The following SYNM variants were observed in gnomAD, a reference collection of about 807,000 sequenced individuals.
SYNM encodes the protein synemin, also known as desmuslin.
SYNM carries 95 observed loss-of-function variants against 104.0 expected under a neutral mutation model. The ratio of observed to expected loss-of-function variants is 0.91; its 90% confidence interval spans 0.77 to 1.08. The LOEUF is 1.08. Ranked by LOEUF, SYNM falls within the 50% of genes least tolerant of loss-of-function variation. The probability of loss-of-function intolerance (pLI) is 0.00; values close to 1 mark genes in which losing one functional copy is unlikely to be tolerated. For synonymous variants in SYNM, 918 were observed against 869.0 expected (o/e 1.06, Z -0.99); for missense variants, 2,150 against 2,052.2 (o/e 1.05, Z -0.92).
At chr15:99,128,261 T>C (rs2067465504) in intron 3 of SYNM, among the ~76,000 whole-genome samples, 1 of 152,246 alleles carries the variant, frequency 6.6e-6, no homozygotes, top group African/African-American at 2.4e-5. Context: ...TCTTTTATAA[T>C]ATTGCATAAA....
intron 1 of SYNM, among the ~76,000 whole-genome samples, chr15:99,108,689 A>G (rs1346107842): frequency 6.6e-6 from 1 of 152,186 alleles, no homozygotes; most frequent in Non-Finnish European, 1.5e-5. Context: ...GCTCCATTTT[A>G]CAGAGGAGGA....
chr15:99,131,366 AGTCAAC>A lies in SYNM; in HGVS notation c.3010_3015del (p.Asn1004_Val1005del). On this transcript the variant is annotated inframe_deletion, in exon 4 of 4. Coordinates refer to ENST00000336292, the MANE Select transcript of SYNM (RefSeq NM_145728.3). This position sits in a 1 kb window ranked among gnomAD's most constrained non-coding sequence, Gnocchi z 4.3. ...GCAGTTCCGTGACCCTGGTTGCTGA[AGTCAAC>A]GTCTCACAAACTGTGGATGCCGATC... is the stretch of plus-strand genomic sequence containing the variant. The A allele has an allele frequency of 6.2e-7, 1 of 1,613,416 alleles. No homozygotes were observed. The highest frequency in any genetic ancestry group is 8.5e-7 in the Non-Finnish European group (1 of 1,179,702).
chr15:99,105,141 G>A lies in SYNM; in HGVS notation c.-59G>A, dbSNP rs1596111652. 6.5e-7 allele frequency: 1 copy of A among 1,533,358 alleles called. No homozygotes were observed. Among genetic ancestry groups the A allele is most frequent in the Non-Finnish European group, 8.7e-7 (1 of 1,144,420 alleles). The allele number at this position is 1,533,358 out of a possible 1,614,324, so 95.0% of individuals were successfully genotyped here. A position where few individuals can be genotyped will look rare whatever the true frequency, so the allele number is the denominator to read the frequency against. ...CGTCGCGGCGGAGAGGACGAGACCG[G>A]GACAAGACCAGGGCAGGAGGGAGCC... On this transcript the variant is annotated 5_prime_UTR_variant, in exon 1 of 4. Transcript: ENST00000336292.
At chr15:99,106,230 C>G (rs1057307156) in intron 1 of SYNM, among the ~76,000 whole-genome samples, 2 of 152,212 alleles carry the variant, frequency 1.3e-5, no homozygotes, top group East Asian at 1.9e-4. Context: ...AGCGGATAGC[C>G]CCGTCCTCGT....
rs782704537 is a variant in SYNM at position 99,130,522 on chromosome 15, CA to C, written c.2163del (p.Ala722ProfsTer4). The C allele has an allele frequency of 3.1e-6, 5 of 1,613,700 alleles. No individual in the cohort carries two copies. Among genetic ancestry groups the C allele is most frequent in the Non-Finnish European group, 4.2e-6 (5 of 1,179,874 alleles). On this transcript the variant is annotated frameshift_variant, in exon 4 of 4. Transcript: ENST00000336292. LOFTEE classifies it high-confidence loss of function. ...AAGGAAGTGGGGCTGAAAGGCAAGT[CA>C]GCCGAGCAGATGATAGGAGACATCA... ...DIKEVGLKGK[S>X]AEQMIGDIIN...
intron 2 of SYNM, among the ~76,000 whole-genome samples, chr15:99,117,586 AGTTCTCTGAGTT>A (rs1212053877): frequency 2.0e-5 from 3 of 152,206 alleles, no homozygotes; most frequent in South Asian, 4.1e-4. Context: ...TTTCTGTAAT[AGTTCTCTGAGTT>A]AGAATCAGGA....
downstream of SYNM, chr15:99,139,277 AGG>A (rs1360647638): frequency 2.5e-6 from 4 of 1,586,632 alleles, no homozygotes; most frequent in African/African-American, 6.2e-5. Flanking sequence ...CTGAATGGAA[AGG>A]GAATGAGATA....
chr15:99,126,060 C>A (rs2067444281), intron 2 of SYNM, among the ~76,000 whole-genome samples: 1 of 152,130 alleles, frequency 6.6e-6, no homozygotes, highest in African/African-American at 2.4e-5. Context: ...AACAGGATGC[C>A]AATTTGGATG....
In SYNM at chr15:99,129,447, G is replaced by A. The variant is rs2067476635; in HGVS notation, c.1087G>A (p.Ala363Thr). 6.2e-7 allele frequency: 1 copy of A among 1,613,852 alleles called. No individual in the cohort carries two copies. Among genetic ancestry groups the A allele is most frequent in the African/African-American group, 1.3e-5 (1 of 74,906 alleles). Residue 363 changes from alanine (A) to threonine (T), a missense_variant, in exon 4 of 4, where the codon GCA becomes ACA. Ala to Thr is a moderately conservative substitution (Grantham distance 58, BLOSUM62 0). Coordinates refer to ENST00000336292, the MANE Select transcript of SYNM (RefSeq NM_145728.3). ...NERNLFSRQK[A>T]PLASFNHSSA... ...AAGGAATCTATTTTCAAGGCAGAAA[G>A]CACCTTTGGCAAGTTTCAATCACAG... is the stretch of plus-strand genomic sequence containing the variant.
In SYNM at chr15:99,126,774, G is replaced by A. The variant is rs5030691; in HGVS notation, c.988G>A (p.Val330Ile). ...NPEIVIWAEH[V>I]ENMPSEFRNK... ...AGAGATAGTGATCTGGGCTGAGCAC[G>A]TTGAAAACATGCCGTCAGGTAAGTA... The change falls in exon 3 of 4, where the codon GTT becomes ATT. Residue 330 changes from valine (V) to isoleucine (I), a missense_variant. Transcript: ENST00000336292. The A allele has an allele frequency of 0.078, 123,574 of 1,574,926 alleles. 5,177 individuals carry two copies. Among genetic ancestry groups the A allele is most frequent in the South Asian group, 0.099 (8,441 of 85,274 alleles).
chr15:99,124,943 A>T (rs2067433580), intron 2 of SYNM, among the ~76,000 whole-genome samples: 1 of 152,224 alleles, frequency 6.6e-6, no homozygotes, highest in Admixed American at 6.5e-5. Flanking sequence ...ACCCAGCCAG[A>T]AGCCCCACGC....
Position 99,113,600 on chromosome 15 carries a change from G to T in SYNM, c.820G>T (p.Asp274Tyr), listed in dbSNP as rs1555483618. ...TGTCTATTCTCTTTAGAGAGTGATT[G>T]ACTGCCTGGAGGATGAGAAGGCAAC... is the stretch of plus-strand genomic sequence containing the variant. ...IQAEERQRVI[D>Y]CLEDEKATLT... The change falls in exon 2 of 4, where the codon GAC (aspartate) becomes TAC (tyrosine). Residue 274 changes from aspartate (D) to tyrosine (Y), a missense_variant. Transcript: ENST00000336292. 3.7e-6 allele frequency: 6 copies of T among 1,613,360 alleles called. No homozygotes were observed. In the East Asian group the frequency reaches 1.3e-4, roughly 36 times the overall value.
chr15:99,113,158 G>A (rs1179688498), intron 1 of SYNM, among the ~76,000 whole-genome samples: 6 of 152,158 alleles, frequency 3.9e-5, no homozygotes, highest in Non-Finnish European at 7.3e-5. Context: ...ATGACTTTGG[G>A]GAGTACATTT....
In SYNM at chr15:99,134,685, C is replaced by A. The variant is rs182655895; in HGVS notation, c.*1627C>A. On this transcript the variant is annotated 3_prime_UTR_variant, in exon 4 of 4. Coordinates refer to ENST00000336292, the MANE Select transcript of SYNM (RefSeq NM_145728.3). ...CCCCAGGGTGCACGTCTCCCCAGGT[C>A]CTGGGAGTGGCTACCGCAGGTAGTT... The A allele has an allele frequency of 6.6e-6, 1 of 152,196 alleles. No homozygotes were observed. The highest frequency in any genetic ancestry group is 1.5e-5 in the Non-Finnish European group (1 of 68,044). 9.4% of individuals were successfully genotyped at this position (152,196 alleles called of 1,614,324 possible).
Position 99,129,448 on chromosome 15 carries a change from C to T in SYNM, c.1088C>T (p.Ala363Val), listed in dbSNP as rs1254705544. 1.2e-6 allele frequency: 2 copies of T among 1,613,984 alleles called. No individual in the cohort carries two copies. Among genetic ancestry groups the T allele is most frequent in the African/African-American group, 2.7e-5 (2 of 75,038 alleles). The stretch of plus-strand genomic sequence containing the variant: ...AGGAATCTATTTTCAAGGCAGAAAG[C>T]ACCTTTGGCAAGTTTCAATCACAGC... ...NERNLFSRQKAPLASFNHSSA... is the reference protein window; with the variant it reads ...NERNLFSRQKVPLASFNHSSA... The change falls in exon 4 of 4, where the codon GCA becomes GTA. Residue 363 changes from alanine (A) to valine (V), a missense_variant. Coordinates refer to ENST00000336292, the MANE Select transcript of SYNM (RefSeq NM_145728.3).
Position 99,131,696 on chromosome 15 carries a change from C to T in SYNM, c.3336C>T (p.Ala1112=), listed in dbSNP as rs782682102. 9.9e-6 allele frequency: 16 copies of T among 1,613,242 alleles called. No homozygotes were observed. Among genetic ancestry groups the T allele is most frequent in the Middle Eastern group, 1.6e-4 (1 of 6,084 alleles). ...TVEVSSPTGF[A]QSQVLEDVSQ... is the part of the protein sequence containing the mutation. ...AGGTCAGCAGCCCCACAGGCTTTGC[C>T]CAGTCACAGGTGCTGGAGGATGTGA... Residue 1112 remains alanine (A), a synonymous_variant, in exon 4 of 4, where the codon GCC becomes GCT. Coordinates refer to ENST00000336292, the MANE Select transcript of SYNM (RefSeq NM_145728.3). This position sits in a 1 kb window ranked among gnomAD's most constrained non-coding sequence, Gnocchi z 4.3.
chr15:99,111,508 C>T (rs1555483401), intron 1 of SYNM, among the ~76,000 whole-genome samples: 2 of 152,214 alleles, frequency 1.3e-5, no homozygotes, highest in South Asian at 4.1e-4. Flanking sequence ...TACATCAAGA[C>T]TGGCAGTTGC....
In SYNM at chr15:99,131,592, G is replaced by A; in HGVS notation, c.3232G>A (p.Gly1078Ser). 1 of 1,609,984 alleles carries A rather than the reference G, an allele frequency of 6.2e-7. No individual in the cohort carries two copies. Among genetic ancestry groups the A allele is most frequent in the South Asian group, 1.1e-5 (1 of 90,978 alleles). Residue 1078 changes from glycine to serine, a missense_variant, in exon 4 of 4, where the codon GGC (glycine) becomes AGC (serine). Physicochemically the swap from Gly to Ser is moderately conservative, Grantham distance 56. Coordinates refer to ENST00000336292, the MANE Select transcript of SYNM (RefSeq NM_145728.3). This position sits in a 1 kb window ranked among gnomAD's most constrained non-coding sequence, Gnocchi z 4.3. Reference protein sequence around the residue: ...WATRELYIPSGESEVAGGASH... With the variant: ...WATRELYIPSSESEVAGGASH... ...CACCCGGGAGCTGTACATCCCTTCA[G>A]GCGAGAGCGAGGTTGCTGGTGGGGC...
chr15:99,136,674 A>C (rs1300020982), downstream of SYNM: 10 of 152,326 alleles, frequency 6.6e-5, no homozygotes, highest in African/African-American at 2.4e-4. Context: ...TTAGGGCTTC[A>C]ACGTGAATTG....
Sources: gnomAD v4.1 joint callset for allele counts (sites outside exome capture counted in the v4.1 genomes callset) on GRCh38, gnomAD v4.1.1 for gene constraint, Gnocchi (gnomAD v3.1) non-coding constraint, MANE v1.5 for transcripts, NCBI Gene and HGNC (gene_info 2026-07-23, HGNC 2026-07-21) for gene names.